Variants in DIAPH2 observed in about 807,000 individuals in gnomAD.
DIAPH2 encodes the protein protein diaphanous homolog 2.
Under a neutral mutation model 92.7 loss-of-function variants are expected in DIAPH2, and 35 were observed. The observed-to-expected ratio is 0.38, with a 90% CI of 0.29 to 0.50. DIAPH2 has a LOEUF of 0.50. Ranked by LOEUF, DIAPH2 falls within the 20% of genes least tolerant of loss-of-function variation. The pLI is 0.94. For missense variants in DIAPH2, 701 were observed against 819.5 expected, an observed-to-expected ratio of 0.86 and a Z score of 1.77; for synonymous variants, 301 against 280.4, an observed-to-expected ratio of 1.07 and a Z score of -0.73.
intron 17 of DIAPH2, among the ~76,000 whole-genome samples, chrX:97,011,235 T>C (rs988375835): frequency 3.6e-5 from 4 of 112,412 alleles, no homozygotes; most frequent in African/African-American, 1.3e-4. Flanking sequence ...AATGATAACC[T>C]GAAGCCCAGT....
chrX:96,700,470 GGATGCA>G (rs768331037), intron 1 of DIAPH2, among the ~76,000 whole-genome samples: 15 of 112,046 alleles, frequency 1.3e-4, no homozygotes, highest in African/African-American at 4.2e-4. Context: ...AATACCACCT[GGATGCA>G]GATGCAGATG....
intron 26 of DIAPH2, among the ~76,000 whole-genome samples, chrX:97,576,547 A>C (rs1199571058): frequency 9.0e-6 from 1 of 111,466 alleles, no homozygotes; most frequent in Non-Finnish European, 1.9e-5. Flanking sequence ...CATGTGCTAC[A>C]GAGAGGTCAA....
At chrX:97,315,207 G>A (rs777305408) in intron 23 of DIAPH2, among the ~76,000 whole-genome samples, 9 of 111,202 alleles carry the variant, frequency 8.1e-5, no homozygotes, top group Non-Finnish European at 1.1e-4. Flanking sequence ...AGGAAGCTGA[G>A]GCATGATGAT....
intron 22 of DIAPH2, among the ~76,000 whole-genome samples, chrX:97,206,310 TTAAAG>T (rs1199620061): frequency 9.0e-6 from 1 of 111,677 alleles, no homozygotes; most frequent in Admixed American, 9.6e-5. Context: ...ATCCTGGAAC[TTAAAG>T]TAAAAACAAA....
chrX:96,849,605 C>T (rs905648820), intron 4 of DIAPH2, among the ~76,000 whole-genome samples: 3 of 111,617 alleles, frequency 2.7e-5, no homozygotes, highest in Admixed American at 9.5e-5. Flanking sequence ...CCCTGATGCT[C>T]GTGCTTCACA....
intron 26 of DIAPH2, among the ~76,000 whole-genome samples, chrX:97,455,724 C>T (rs5921824): frequency 0.028 from 3,102 of 111,807 alleles, 35 homozygotes; most frequent in Middle Eastern, 0.041. Flanking sequence ...ATTCACTGCC[C>T]GTGGGGAAGA....
chrX:97,255,493 C>T (rs2068229567), intron 23 of DIAPH2, among the ~76,000 whole-genome samples: 1 of 111,774 alleles, frequency 8.9e-6, no homozygotes, highest in Non-Finnish European at 1.9e-5. Flanking sequence ...TTTTCAGATA[C>T]AGATTCTGAT....
intron 21 of DIAPH2, among the ~76,000 whole-genome samples, chrX:97,131,906 A>T (rs1443435012): frequency 1.8e-5 from 2 of 111,586 alleles, no homozygotes; most frequent in Admixed American, 1.9e-4. Flanking sequence ...TTAATTTGCC[A>T]CTGGTCCTGG....
chrX:97,430,544 A>G (rs2070115832), intron 26 of DIAPH2, among the ~76,000 whole-genome samples: 1 of 112,591 alleles, frequency 8.9e-6, no homozygotes, highest in South Asian at 3.7e-4. Context: ...ACTCCTCTTC[A>G]TGGGCTGTAA....
chrX:97,477,031 A>G (rs1339512242), intron 26 of DIAPH2, among the ~76,000 whole-genome samples: 1 of 99,187 alleles, frequency 1.0e-5, no homozygotes, highest in Non-Finnish European at 2.0e-5. Flanking sequence ...ACACATACAC[A>G]CACACATCCT....
At chrX:97,385,741 TAAC>T (rs1330544863) in intron 25 of DIAPH2, among the ~76,000 whole-genome samples, 6 of 112,124 alleles carry the variant, frequency 5.4e-5, no homozygotes, top group African/African-American at 1.9e-4. Flanking sequence ...GAGAAAATGA[TAAC>T]AACAACAACT....
chrX:97,133,318 G>A (rs1447956446), intron 21 of DIAPH2, among the ~76,000 whole-genome samples: 3 of 109,180 alleles, frequency 2.7e-5, no homozygotes, highest in Non-Finnish European at 5.7e-5. Flanking sequence ...ACGGAGTTTC[G>A]CTCTTGTTGC....
At chrX:96,838,785 G>A (rs777163577) in intron 4 of DIAPH2, among the ~76,000 whole-genome samples, 87 of 111,993 alleles carry the variant, frequency 7.8e-4, no homozygotes, top group African/African-American at 2.8e-3. Context: ...ATTTCTGTGT[G>A]GAAACCTGTG....
At chrX:97,454,853 C>CAA (rs74581124) in intron 26 of DIAPH2, among the ~76,000 whole-genome samples, 16 of 62,600 alleles carry the variant, frequency 2.6e-4, no homozygotes, top group African/African-American at 7.8e-4. Flanking sequence ...GACTTCGTCT[C>CAA]AAAAAAAAAA....
chrX:97,571,317 AT>A (rs1441329665), intron 26 of DIAPH2, among the ~76,000 whole-genome samples: 1 of 112,007 alleles, frequency 8.9e-6, no homozygotes, highest in Non-Finnish European at 1.9e-5. Flanking sequence ...AAATGTTGAT[AT>A]TTTATTTAAC....
intron 7 of DIAPH2, among the ~76,000 whole-genome samples, chrX:96,915,933 TAAGAGAGAG>T (rs1197187896): frequency 1.8e-5 from 2 of 111,428 alleles, no homozygotes; most frequent in Non-Finnish European, 3.8e-5. Flanking sequence ...TCAGGGAGGA[TAAGAGAGAG>T]AAGGCATGGG....
intron 26 of DIAPH2, among the ~76,000 whole-genome samples, chrX:97,517,107 GT>G (rs752098276): frequency 2.4e-3 from 272 of 111,692 alleles, no homozygotes; most frequent in African/African-American, 8.2e-3. Context: ...GACCTCACAG[GT>G]TTTTTTCGAG....
intron 26 of DIAPH2, among the ~76,000 whole-genome samples, chrX:97,494,656 G>C (rs951096520): frequency 5.4e-5 from 6 of 112,121 alleles, no homozygotes; most frequent in Non-Finnish European, 7.5e-5. Context: ...CAATTCACTA[G>C]GCTAGAGATT....
chrX:97,339,425 G>A (rs930800069), intron 23 of DIAPH2, among the ~76,000 whole-genome samples: 4 of 110,806 alleles, frequency 3.6e-5, no homozygotes, highest in Admixed American at 9.7e-5. Context: ...TGAGACAAGA[G>A]AATCACTTGA....
Sources: gnomAD v4.1 joint callset for allele counts (sites outside exome capture counted in the v4.1 genomes callset) on GRCh38, gnomAD v4.1.1 for gene constraint, MANE v1.5 for transcripts, NCBI Gene and HGNC (gene_info 2026-07-23, HGNC 2026-07-21) for gene names.